Variants in ZNF516 observed in about 807,000 individuals in gnomAD.
The protein encoded by ZNF516 is zinc finger protein 516.
ZNF516 carries 19 observed loss-of-function variants against 79.7 expected under a neutral mutation model. The ratio of observed to expected loss-of-function variants is 0.24; its 90% CI spans 0.17 to 0.35. The LOEUF is 0.35. Among genes scored for constraint, ZNF516 ranks in the 10% least tolerant of loss-of-function variants. ZNF516 has a pLI of 1.00. For synonymous variants in ZNF516, 877 were observed against 739.5 expected (o/e 1.19, Z -3.02); for missense variants, 1,678 against 1,679.5 (o/e 1.00, Z 0.02).
rs1206098199 is a variant in ZNF516 at position 76,379,613 on chromosome 18, C to T, written c.2501G>A (p.Arg834Gln). 8.1e-6 allele frequency: 13 copies of T among 1,613,506 alleles called. No individual in the cohort carries two copies. Among genetic ancestry groups the T allele is most frequent in the Admixed American group, 3.3e-5 (2 of 60,012 alleles). The part of the protein sequence containing the change: ...GKECQPLLLA[R>Q]FTRTQVPGGM... ...CCCTGGCACCTGAGTGCGGGTGAAC[C>T]GAGCAAGGAGCAAAGGCTGGCATTC... Residue 834 changes from arginine (R) to glutamine (Q), a missense_variant, in exon 4 of 7, where the codon CGG becomes CAG. This residue lies in a region of ZNF516 where 1,294 missense variants were observed against 1,248.3 expected (regional missense o/e 1.04). Coordinates refer to ENST00000443185, the MANE Select transcript of ZNF516 (RefSeq NM_014643.4).
intron 3 of ZNF516, among the ~76,000 whole-genome samples, chr18:76,381,085 G>A (rs2074885699): frequency 6.6e-6 from 1 of 152,198 alleles, no homozygotes; most frequent in African/African-American, 2.4e-5. Flanking sequence ...CACAGTCTGG[G>A]ATGAACTCTG....
chr18:76,420,931 T>C (rs988691405), intron 3 of ZNF516, among the ~76,000 whole-genome samples: 1 of 152,132 alleles, frequency 6.6e-6, no homozygotes. Context: ...GACCAAAAAA[T>C]GGATTTGCTT....
At chr18:76,380,395 C>T in intron 3 of ZNF516, 92 bp from the exon 4 acceptor site, 2 of 1,498,106 alleles carry the variant, frequency 1.3e-6, no homozygotes, top group South Asian at 1.3e-5. Context: ...ATGTTCCAAG[C>T]CATCTGTCTT....
In ZNF516 at chr18:76,383,035, CAAAAAAAAAAAA is replaced by C. The variant is rs772423972; in HGVS notation, c.1811-2744_1811-2733del. On this transcript the variant is annotated intron_variant, in intron 3 of 6. Transcript: ENST00000443185. Reference sequence around the variant, plus strand: ...TGGGCAACAGAGCAAGACTCTGTCTCAAAAAAAAAAAAAAAAAAAAAAAAGCGCATGGTCTAG... The same window carrying C: ...TGGGCAACAGAGCAAGACTCTGTCTCAAAAAAAAAAAAGCGCATGGTCTAG... Among the ~76,000 whole-genome samples the C allele has an allele frequency of 1.8e-4, 9 of 49,798 alleles. No individual in the cohort carries two copies. The South Asian group carries it at 4.3e-3, about 24-fold the overall frequency. The allele number at this position is 49,798 out of a possible 152,430, so 32.7% of individuals were successfully genotyped here. A position where few individuals can be genotyped will look rare whatever the true frequency, so the allele number is the denominator to read the frequency against.
intron 3 of ZNF516, among the ~76,000 whole-genome samples, chr18:76,397,689 C>T (rs2075165640): frequency 6.6e-6 from 1 of 152,172 alleles, no homozygotes; most frequent in South Asian, 2.1e-4. Context: ...CCTCAACCTC[C>T]CAGGTTCAAG....
At chr18:76,455,170 G>T (rs1912645410) in intron 2 of ZNF516, among the ~76,000 whole-genome samples, 1 of 152,114 alleles carries the variant, frequency 6.6e-6, no homozygotes, top group Non-Finnish European at 1.5e-5. Flanking sequence ...CATTTTCCAA[G>T]AACTCGAAGA....
chr18:76,418,225 A>G (rs1464947200), intron 3 of ZNF516, among the ~76,000 whole-genome samples: 1 of 152,088 alleles, frequency 6.6e-6, no homozygotes, highest in African/African-American at 2.4e-5. Flanking sequence ...ACACACTGTA[A>G]CACACGCTAT....
intron 1 of ZNF516, among the ~76,000 whole-genome samples, chr18:76,482,428 G>GAGCT (rs1327470694): frequency 6.6e-6 from 1 of 152,212 alleles, no homozygotes; most frequent in Non-Finnish European, 1.5e-5. Flanking sequence ...AGAAAGCAGT[G>GAGCT]AGCTGCTCCC....
intron 3 of ZNF516, among the ~76,000 whole-genome samples, chr18:76,430,603 G>C (rs1033584597): frequency 2.0e-5 from 3 of 152,238 alleles, no homozygotes; most frequent in African/African-American, 7.2e-5. Flanking sequence ...AAGCATGTAT[G>C]TAAGTTTTCT....
At position 76,441,729 on chromosome 18, in the gene ZNF516, C is replaced by G. The variant is rs367678742; in HGVS notation, c.1326G>C (p.Ala442=). 3.9e-5 allele frequency: 62 copies of G among 1,572,502 alleles called. No homozygotes were observed. In the South Asian group the frequency reaches 6.8e-4, roughly 17 times the overall value. The part of the protein sequence containing the change: ...EYLKYGAWDE[A]LAGDVAFDKD... ...TGTCGAAGGCCACGTCCCCGGCCAG[C>G]GCCTCGTCCCAGGCCCCGTACTTGA... Residue 442 remains alanine (A), a synonymous_variant, in exon 3 of 7, where the codon GCG becomes GCC. Transcript: ENST00000443185.
intron 3 of ZNF516, among the ~76,000 whole-genome samples, chr18:76,416,472 G>A (rs1363065532): frequency 5.4e-4 from 82 of 152,356 alleles, no homozygotes; most frequent in Non-Finnish European, 2.6e-4. Flanking sequence ...CAAACTTACT[G>A]TTTGGGGGTT....
chr18:76,485,949 C>G (rs188931732), intron 1 of ZNF516, among the ~76,000 whole-genome samples: 2 of 117,618 alleles, frequency 1.7e-5, no homozygotes, highest in East Asian at 5.7e-4. Context: ...CTTTTTTGCT[C>G]TAGGTTAAAA....
intron 1 of ZNF516, among the ~76,000 whole-genome samples, chr18:76,481,877 C>T (rs900205515): frequency 1.3e-5 from 2 of 152,188 alleles, no homozygotes; most frequent in African/African-American, 2.4e-5. Flanking sequence ...TAACTTACAT[C>T]TTACTGTCAT....
intron 2 of ZNF516, among the ~76,000 whole-genome samples, chr18:76,443,905 T>C (rs115088126): frequency 1.3e-5 from 2 of 152,190 alleles, no homozygotes; most frequent in Admixed American, 1.3e-4. Context: ...TCAACCACCC[T>C]GCATGGCCGC....
At chr18:76,429,873 C>G (rs1029522145) in intron 3 of ZNF516, among the ~76,000 whole-genome samples, 1 of 152,184 alleles carries the variant, frequency 6.6e-6, no homozygotes, top group Non-Finnish European at 1.5e-5. Context: ...AAAGCAAACA[C>G]GGTGCCCTTT....
chr18:76,392,080 G>T (rs530517913), intron 3 of ZNF516, among the ~76,000 whole-genome samples: 3 of 152,220 alleles, frequency 2.0e-5, no homozygotes, highest in Non-Finnish European at 4.4e-5. Context: ...CACCAGCGAC[G>T]CCAGTCAAAC....
At chr18:76,389,182 AT>A (rs2075033949) in intron 3 of ZNF516, 2 of 152,064 alleles carry the variant, frequency 1.3e-5, no homozygotes, top group African/African-American at 4.8e-5. Flanking sequence ...GCATCTGAGA[AT>A]CATCTGTCAA....
At chr18:76,418,560 A>G (rs770130963) in intron 3 of ZNF516, among the ~76,000 whole-genome samples, 1 of 152,186 alleles carries the variant, frequency 6.6e-6, no homozygotes, top group Non-Finnish European at 1.5e-5. Flanking sequence ...CACGCACTGT[A>G]ACATACGCTG....
intron 2 of ZNF516, among the ~76,000 whole-genome samples, chr18:76,458,711 C>T (rs1357183282): frequency 2.9e-5 from 4 of 140,108 alleles, no homozygotes; most frequent in East Asian, 2.1e-4. Flanking sequence ...CGTGCCTCAC[C>T]GTCGTGCGTG....
Sources: allele counts gnomAD v4.1 joint callset (sites outside exome capture counted in the v4.1 genomes callset), GRCh38; gene constraint gnomAD v4.1.1; regional missense constraint gnomAD v4.1.1; transcripts MANE v1.5; gene names NCBI Gene and HGNC (gene_info 2026-07-23, HGNC 2026-07-21).